USH2A: variants seen among roughly 807,000 people sequenced by gnomAD.
USH2A encodes usherin.
In USH2A, 443 loss-of-function variants were observed where a neutral mutation model predicts 538.9. The ratio of observed to expected loss-of-function variants is 0.82; its 90% confidence interval spans 0.76 to 0.89. The LOEUF (loss-of-function observed/expected upper bound fraction) is 0.89. USH2A is among the 40% of genes least tolerant of loss of function. The pLI is 0.00. For synonymous variants in USH2A, 2,413 were observed against 2,273.5 expected, an observed-to-expected ratio of 1.06 and a Z score of -1.75; for missense variants, 6,633 against 6,324.8, an observed-to-expected ratio of 1.05 and a Z score of -1.65.
chr1:216,281,623 G>A (rs1330915291), intron 11 of USH2A, among the ~76,000 whole-genome samples: 1 of 151,922 alleles, frequency 6.6e-6, no homozygotes, highest in East Asian at 1.9e-4. Context: ...TATTCATTCA[G>A]CAGTTGATGG....
rs1198648393 is a variant in USH2A at position 215,728,019 on chromosome 1, A to C, written c.12066+11T>G. The C allele has an allele frequency of 6.2e-7, 1 of 1,613,286 alleles. No individual in the cohort carries two copies. The highest frequency in any genetic ancestry group is 1.3e-5 in the African/African-American group (1 of 74,918). ...AATCTGCATGTCTGTTACTTTTCTAAAGGGTCTTACCTTCACTGTGAAAGC... is the reference window on the plus strand; with the variant it reads ...AATCTGCATGTCTGTTACTTTTCTACAGGGTCTTACCTTCACTGTGAAAGC... On this transcript the variant is annotated intron_variant, in intron 61 of 71. Transcript: ENST00000307340.
At chr1:216,224,472 A>G (rs1010410848) in intron 14 of USH2A, among the ~76,000 whole-genome samples, 4 of 152,134 alleles carry the variant, frequency 2.6e-5, no homozygotes, top group Non-Finnish European at 4.4e-5. Flanking sequence ...TCAGAGGTAA[A>G]TGGAGTAATG....
Position 215,715,834 on chromosome 1 carries a change from T to C in USH2A, c.12066+12196A>G, listed in dbSNP as rs556459803. On this transcript the variant is annotated intron_variant, in intron 61 of 71. Coordinates refer to ENST00000307340, the MANE Select transcript of USH2A (RefSeq NM_206933.4). ...GACATCATTAGAGCCATGGTTAAAC[T>C]GTAATTTACACCATTAGGAAGGCAG... 4.6e-5 allele frequency among the ~76,000 whole-genome samples: 7 copies of C among 152,354 alleles called. No homozygotes were observed. In the East Asian group the frequency reaches 1.4e-3, roughly 29 times the overall value.
intron 47 of USH2A, among the ~76,000 whole-genome samples, chr1:215,835,570 G>A (rs1663454804): frequency 6.6e-6 from 1 of 152,122 alleles, no homozygotes; most frequent in African/African-American, 2.4e-5. Context: ...TGGAGGAAGA[G>A]AAATAGACCC....
At chr1:216,118,996 C>T (rs1359290) in intron 21 of USH2A, among the ~76,000 whole-genome samples, 53,614 of 152,114 alleles carry the variant, frequency 0.35, 10,395 homozygotes, top group East Asian at 0.73. Context: ...GTGTGCACAG[C>T]TTCTGAGAAA....
chr1:215,811,651 T>C (rs1662688170), intron 49 of USH2A, among the ~76,000 whole-genome samples: 1 of 152,056 alleles, frequency 6.6e-6, no homozygotes, highest in Non-Finnish European at 1.5e-5. Context: ...CTCACACCTG[T>C]AATCCCAGCA....
intron 55 of USH2A, among the ~76,000 whole-genome samples, chr1:215,774,470 T>C (rs2102755776): frequency 6.6e-6 from 1 of 151,866 alleles, no homozygotes; most frequent in African/African-American, 2.4e-5. Context: ...GGAATAAATA[T>C]AACAACAAAA....
At chr1:215,689,682 G>T (rs1658537906) in intron 61 of USH2A, among the ~76,000 whole-genome samples, 1 of 152,214 alleles carries the variant, frequency 6.6e-6, no homozygotes, top group South Asian at 2.1e-4. Flanking sequence ...CTGTGGAGGG[G>T]AACTAGGTGG....
chr1:215,741,326 C>G (rs1225285020), intron 60 of USH2A, 49 bp downstream of exon 60: 1 of 1,581,262 alleles, frequency 6.3e-7, no homozygotes, highest in Non-Finnish European at 8.7e-7. Context: ...TGTGTTGGAG[C>G]AGTACGCATT....
chr1:215,710,603 A>C (rs1659313877), intron 61 of USH2A, among the ~76,000 whole-genome samples: 1 of 152,114 alleles, frequency 6.6e-6, no homozygotes, highest in African/African-American at 2.4e-5. Flanking sequence ...TAGGTGGAGC[A>C]CTCAATTTGA....
At chr1:215,805,096 G>A (rs1238021180) in intron 49 of USH2A, among the ~76,000 whole-genome samples, 2 of 151,832 alleles carry the variant, frequency 1.3e-5, no homozygotes, top group Admixed American at 6.6e-5. Context: ...AGAACACATG[G>A]ACACAGGAAG....
rs777699434 is a variant in USH2A at position 215,766,715 on chromosome 1, A to C, written c.11013T>G (p.Pro3671=). The change falls in exon 56 of 72, where the codon CCT becomes CCG. Residue 3671 remains proline (P), a synonymous_variant. Coordinates refer to ENST00000307340, the MANE Select transcript of USH2A (RefSeq NM_206933.4). ...CTSAGCTSSE[P]FLGQTLQAAP... Reference sequence around the variant, plus strand: ...CTGCCTGCAGTGTCTGACCTAGAAAAGGCTCGCTTGAAGTGCACCCAGCAG... The same window carrying C: ...CTGCCTGCAGTGTCTGACCTAGAAACGGCTCGCTTGAAGTGCACCCAGCAG... 1.2e-4 allele frequency: 194 copies of C among 1,613,568 alleles called. No homozygotes were observed. Among genetic ancestry groups the C allele is most frequent in the Non-Finnish European group, 1.6e-4 (184 of 1,179,662 alleles).
At chr1:215,970,856 G>A in intron 35 of USH2A, 80 bp from the exon 36 acceptor site, 1 of 1,359,540 alleles carries the variant, frequency 7.4e-7, no homozygotes, top group Non-Finnish European at 1.0e-6. Context: ...CACTCTTGAT[G>A]TGATTTCTAG....
chr1:215,904,027 A>G (rs1665570689), intron 38 of USH2A, among the ~76,000 whole-genome samples: 1 of 152,138 alleles, frequency 6.6e-6, no homozygotes, highest in Non-Finnish European at 1.5e-5. Context: ...TAATAAGTGC[A>G]TACATAGAAA....
At chr1:216,199,492 T>C (rs1470671105) in intron 17 of USH2A, 135 bp downstream of exon 17, 95 of 1,322,110 alleles carry the variant, frequency 7.2e-5, no homozygotes, top group Non-Finnish European at 9.4e-5. Flanking sequence ...CTTATATCTT[T>C]AGAAACTGTT....
At chr1:215,725,635 C>T (rs935381806) in intron 61 of USH2A, among the ~76,000 whole-genome samples, 2 of 152,182 alleles carry the variant, frequency 1.3e-5, no homozygotes, top group Admixed American at 1.3e-4. Context: ...TACACACATA[C>T]ACATTCAAAA....
chr1:216,032,789 CTGACAGG>C, intron 32 of USH2A, among the ~76,000 whole-genome samples: 1 of 152,210 alleles, frequency 6.6e-6, no homozygotes, highest in East Asian at 1.9e-4. Flanking sequence ...CAGCTCATGA[CTGACAGG>C]CAACATGGAA....
chr1:216,398,287 T>C (rs2039249979), intron 3 of USH2A, among the ~76,000 whole-genome samples: 1 of 151,930 alleles, frequency 6.6e-6, no homozygotes, highest in Non-Finnish European at 1.5e-5. Context: ...GCGAAGTAGG[T>C]AGAAGAAAAA....
intron 40 of USH2A, among the ~76,000 whole-genome samples, chr1:215,898,707 A>C (rs1488150189): frequency 3.3e-5 from 5 of 152,220 alleles, no homozygotes; most frequent in Admixed American, 3.3e-4. Context: ...GCTATATATA[A>C]GAAGGAGATT....
Sources: gnomAD v4.1 joint callset for allele counts (sites outside exome capture counted in the v4.1 genomes callset) on GRCh38, gnomAD v4.1.1 for gene constraint, MANE v1.5 for transcripts, NCBI Gene and HGNC (gene_info 2026-07-23, HGNC 2026-07-21) for gene names.